The following OTOG variants were observed in gnomAD, a reference collection of about 807,000 sequenced individuals.
OTOG encodes otogelin.
In OTOG, 296 loss-of-function variants were observed where a neutral mutation model predicts 313.8. That is an observed-to-expected ratio of 0.94 (90% CI 0.86 to 1.04). The LOEUF is 1.04. Ranked by LOEUF, OTOG falls within the 50% of genes least tolerant of loss-of-function variation. The pLI is 0.00. For missense variants in OTOG, 3,948 were observed against 3,840.1 expected, an observed-to-expected ratio of 1.03 and a Z score of -0.74; for synonymous variants, 1,533 against 1,554.9, an observed-to-expected ratio of 0.99 and a Z score of 0.33.
chr11:17,552,206 C>T, intron 4 of OTOG, 131 bp downstream of exon 4: 1 of 895,010 alleles, frequency 1.1e-6, no homozygotes, highest in Non-Finnish European at 1.8e-6. Flanking sequence ...GCATCTCCTT[C>T]CACCCACTCT....
chr11:17,573,032 T>C (rs1852437940), intron 18 of OTOG, 46 bp from the exon 19 acceptor site: 2 of 1,473,932 alleles, frequency 1.4e-6, no homozygotes, highest in South Asian at 2.5e-5. Context: ...GGACACCAGG[T>C]AGACCGACTC....
intron 39 of OTOG, among the ~76,000 whole-genome samples, chr11:17,627,599 C>T (rs1263019110): frequency 6.6e-6 from 1 of 152,092 alleles, no homozygotes; most frequent in Non-Finnish European, 1.5e-5. Context: ...GTAACACTGG[C>T]CTCATAGAAT....
rs199797288 is a variant in OTOG at position 17,619,670 on chromosome 11, TA to T, written c.6528+5970del. ...ATACCATAAGAACTTTATAACAGTA[TA>T]CTGCTATTTCCTTTCACCAAGCCTT... is the stretch of plus-strand genomic sequence containing the variant. On this transcript the variant is annotated intron_variant, in intron 39 of 55. Transcript: ENST00000399397. Among the ~76,000 whole-genome samples the T allele has an allele frequency of 5.1e-3, 780 of 152,344 alleles. 2 individuals carry two copies. Among genetic ancestry groups the T allele is most frequent in the Non-Finnish European group, 7.5e-3 (508 of 68,026 alleles).
In OTOG at chr11:17,576,918, G is replaced by A. The variant is rs536044377; in HGVS notation, c.2605+7G>A. On this transcript the variant is annotated splice_region_variant and intron_variant, in intron 22 of 55. Transcript: ENST00000399397. ...TGTGATAGCAGAGCCCCAGGTAAGG[G>A]TGGGTGGAGGGGTGGAGCCCTTCTG... The A allele has an allele frequency of 1.7e-5, 27 of 1,550,386 alleles. 1 individual carries two copies. The South Asian group carries it at 3.2e-4, about 18-fold the overall frequency.
At chr11:17,559,683 G>A in intron 12 of OTOG, 21 bp downstream of exon 12, 1 of 1,550,200 alleles carries the variant, frequency 6.5e-7, no homozygotes, top group Non-Finnish European at 8.7e-7. Flanking sequence ...GGCAGACGTA[G>A]GTGCCTGGCA....
intron 35 of OTOG, 111 bp downstream of exon 35, chr11:17,609,320 C>G: frequency 1.0e-6 from 1 of 995,656 alleles, no homozygotes; most frequent in East Asian, 2.6e-5. Flanking sequence ...AAGATCAGCA[C>G]AGGGACCTTT....
At chr11:17,588,951 C>T (rs1369818803) in intron 24 of OTOG, among the ~76,000 whole-genome samples, 1 of 152,186 alleles carries the variant, frequency 6.6e-6, no homozygotes, top group African/African-American at 2.4e-5. Flanking sequence ...TCCCTACCAC[C>T]TCTCTGCTGC....
At chr11:17,630,354 T>C (rs1272804704) in intron 40 of OTOG, among the ~76,000 whole-genome samples, 1 of 152,170 alleles carries the variant, frequency 6.6e-6, no homozygotes, top group Non-Finnish European at 1.5e-5. Flanking sequence ...TGGTCAGCAG[T>C]AGCCTGGTGA....
chr11:17,631,321 C>T (rs1272908298), intron 40 of OTOG, among the ~76,000 whole-genome samples: 1 of 150,808 alleles, frequency 6.6e-6, no homozygotes, highest in Non-Finnish European at 1.5e-5. Flanking sequence ...GTAGTGTACA[C>T]CTTTTACCCA....
Position 17,638,542 on chromosome 11 carries a change from A to G in OTOG, c.7887A>G (p.Lys2629=), listed in dbSNP as rs1847901710. 2 of 1,549,780 alleles carry G rather than the reference A, an allele frequency of 1.3e-6. No homozygotes were observed. Among genetic ancestry groups the G allele is most frequent in the South Asian group, 2.4e-5 (2 of 84,034 alleles). Residue 2629 remains lysine, a synonymous_variant, in exon 48 of 56, where the codon AAA becomes AAG. Coordinates refer to ENST00000399397, the MANE Select transcript of OTOG (RefSeq NM_001292063.2). ...VWSPDRCCPY[K]SCECDCDTIP... is the part of the protein sequence containing the mutation. ...GCCCCGACCGCTGCTGCCCCTACAA[A>G]TCCTGTGGTGAGTCCGTGGTCAGGA...
intron 8 of OTOG, among the ~76,000 whole-genome samples, chr11:17,557,768 G>C (rs539431706): frequency 1.3e-5 from 2 of 152,246 alleles, no homozygotes; most frequent in South Asian, 2.1e-4. Flanking sequence ...CCCCTTTTGA[G>C]CACCTACACC....
intron 30 of OTOG, among the ~76,000 whole-genome samples, chr11:17,597,981 C>A (rs1161519705): frequency 6.6e-6 from 1 of 152,216 alleles, no homozygotes; most frequent in Non-Finnish European, 1.5e-5. Context: ...CAGCACTTGG[C>A]ACAGTGCCCT....
At position 17,558,292 on chromosome 11, in the gene OTOG, C is replaced by A. The variant is rs563094190; in HGVS notation, c.973C>A (p.Gln325Lys). The change falls in exon 9 of 56, where the codon CAG becomes AAG. Residue 325 changes from glutamine to lysine, a missense_variant. Gln to Lys is a moderately conservative substitution (Grantham distance 53, BLOSUM62 1). Transcript: ENST00000399397. ...TSSLPRPPCL[Q>K]QNPGTMQGVY... is the part of the protein sequence containing the mutation. ...CTCCCTGCCTCGCCCACCGTGCCTACAGCAGAACCCAGGAACCATGCAGGT... is the reference window on the plus strand; with the variant it reads ...CTCCCTGCCTCGCCCACCGTGCCTAAAGCAGAACCCAGGAACCATGCAGGT... 2.6e-6 allele frequency: 4 copies of A among 1,550,772 alleles called. No individual in the cohort carries two copies. Among genetic ancestry groups the A allele is most frequent in the Non-Finnish European group, 3.5e-6 (4 of 1,147,068 alleles).
At position 17,629,980 on chromosome 11, in the gene OTOG, CACACACACACAT is replaced by C. The variant is rs931509199; in HGVS notation, c.6712+676_6712+687del. Among the ~76,000 whole-genome samples the C allele has an allele frequency of 4.6e-5, 7 of 152,160 alleles. No homozygotes were observed. In the East Asian group the frequency reaches 5.8e-4, roughly 13 times the overall value. On this transcript the variant is annotated intron_variant, in intron 40 of 55. Coordinates refer to ENST00000399397, the MANE Select transcript of OTOG (RefSeq NM_001292063.2). Reference sequence around the variant, plus strand: ...TGGGTGAGATAAAAACACTTACACACACACACACACATACACACACACACCCTCCATCCTCCA... The same window carrying C: ...TGGGTGAGATAAAAACACTTACACACACACACACACACCCTCCATCCTCCA...
rs902344906 is a variant in OTOG at position 17,610,657 on chromosome 11, C to A, written c.5357C>A (p.Pro1786His). 2 of 1,550,628 alleles carry A rather than the reference C, an allele frequency of 1.3e-6. No individual in the cohort carries two copies. Among genetic ancestry groups the A allele is most frequent in the African/African-American group, 2.7e-5 (2 of 73,048 alleles). ...STATDGLAAT[P>H]FMSLESTRPS... Reference sequence around the variant, plus strand: ...GCCACTGATGGGCTGGCAGCCACACCCTTCATGTCCCTTGAGTCAACTCGT... The same window carrying A: ...GCCACTGATGGGCTGGCAGCCACACACTTCATGTCCCTTGAGTCAACTCGT... Residue 1786 changes from proline to histidine, a missense_variant, in exon 36 of 56, where the codon CCC becomes CAC. Pro to His is a moderately conservative substitution (Grantham distance 77). Coordinates refer to ENST00000399397, the MANE Select transcript of OTOG (RefSeq NM_001292063.2).
chr11:17,610,624 T>A lies in OTOG; in HGVS notation c.5324T>A (p.Leu1775Gln), dbSNP rs1181205061. The change falls in exon 36 of 56, where the codon CTG (leucine) becomes CAG (glutamine). Residue 1775 changes from leucine to glutamine, a missense_variant. Leu to Gln is a moderately radical substitution (Grantham distance 113, BLOSUM62 -2). Coordinates refer to ENST00000399397, the MANE Select transcript of OTOG (RefSeq NM_001292063.2). ...LPPETPAAAS[L>Q]STATDGLAAT... ...CCAGAGACCCCAGCTGCCGCCAGCCTGTCAACAGCCACTGATGGGCTGGCA... is the reference window on the plus strand; with the variant it reads ...CCAGAGACCCCAGCTGCCGCCAGCCAGTCAACAGCCACTGATGGGCTGGCA... 6.4e-7 allele frequency: 1 copy of A among 1,550,492 alleles called. No individual in the cohort carries two copies. Among genetic ancestry groups the A allele is most frequent in the Admixed American group, 2.0e-5 (1 of 50,984 alleles).
chr11:17,549,126 T>G (rs1851877084), intron 3 of OTOG, among the ~76,000 whole-genome samples: 1 of 152,234 alleles, frequency 6.6e-6, no homozygotes, highest in Non-Finnish European at 1.5e-5. Flanking sequence ...CTTTGGTCTC[T>G]GGATCAGGTG....
rs955547026 is a variant in OTOG, at chr11:17,605,862, G to C, written c.3883G>C (p.Asp1295His). ...ALYKAKAHDP[D>H]VVSLEAADRP... ...CCCCATGTGGTTCTCTGCAGACCCA[G>C]ATGTGGTGTCCCTGGAGGCAGCAGA... The change falls in exon 33 of 56, where the codon GAT becomes CAT. Residue 1295 changes from aspartate (D) to histidine (H), a missense_variant. Asp to His is a moderately conservative substitution (Grantham distance 81). Coordinates refer to ENST00000399397, the MANE Select transcript of OTOG (RefSeq NM_001292063.2). 1 of 1,542,680 alleles carries C rather than the reference G, an allele frequency of 6.5e-7. No individual in the cohort carries two copies. The highest frequency in any genetic ancestry group is 1.2e-5 in the South Asian group (1 of 82,870).
In OTOG at chr11:17,576,879, A is replaced by G; in HGVS notation, c.2573A>G (p.Asp858Gly). ...IPSLGHCHCK[D>G]GVMSCDSRAP... ...GTCTCTCTCTGCAGCCACTGCAAAG[A>G]TGGAGTCATGAGCTGTGATAGCAGA... is the stretch of plus-strand genomic sequence containing the variant. The change falls in exon 22 of 56, where the codon GAT (aspartate) becomes GGT (glycine). Residue 858 changes from aspartate (D) to glycine (G), a missense_variant. Physicochemically the swap from Asp to Gly is moderately conservative, Grantham distance 94. Transcript: ENST00000399397. 1.3e-6 allele frequency: 2 copies of G among 1,550,440 alleles called. No individual in the cohort carries two copies.
Sources: gnomAD v4.1 joint callset for allele counts (sites outside exome capture counted in the v4.1 genomes callset) on GRCh38, gnomAD v4.1.1 for gene constraint, MANE v1.5 for transcripts, NCBI Gene and HGNC (gene_info 2026-07-23, HGNC 2026-07-21) for gene names.